Variants in FBRSL1 observed in about 807,000 individuals in gnomAD.
The protein encoded by FBRSL1 is fibrosin-1-like protein.
Under a neutral mutation model 89.6 loss-of-function variants are expected in FBRSL1, and 51 were observed. The observed-to-expected ratio is 0.57, with a 90% confidence interval of 0.45 to 0.72. FBRSL1 has a LOEUF of 0.72. Ranked by LOEUF, FBRSL1 falls within the 30% of genes least tolerant of loss-of-function variation. The pLI, the probability that FBRSL1 is intolerant of heterozygous loss-of-function variation, is 0.00. For missense variants in FBRSL1, 1,618 were observed against 1,451.8 expected (o/e 1.11, Z -1.86); for synonymous variants, 779 against 681.1 (o/e 1.14, Z -2.24).
intron 2 of FBRSL1, among the ~76,000 whole-genome samples, chr12:132,517,053 A>G (rs1424063055): frequency 3.9e-5 from 6 of 152,316 alleles, no homozygotes; most frequent in Non-Finnish European, 8.8e-5. Flanking sequence ...CCCAGACGCT[A>G]GAGGCTTATC....
At chr12:132,560,615 T>A (rs1164210136) in intron 5 of FBRSL1, among the ~76,000 whole-genome samples, 1 of 152,132 alleles carries the variant, frequency 6.6e-6, no homozygotes, top group East Asian at 1.9e-4. Context: ...TGGCCCAGGC[T>A]GCGCCGCGTG....
intron 1 of FBRSL1, among the ~76,000 whole-genome samples, chr12:132,497,045 C>T (rs541405597): frequency 3.9e-5 from 6 of 152,048 alleles, no homozygotes; most frequent in Admixed American, 2.6e-4. Flanking sequence ...GCCGACGGTT[C>T]GGATTTTTGC....
intron 5 of FBRSL1, among the ~76,000 whole-genome samples, chr12:132,562,735 G>T (rs569346284): frequency 6.6e-6 from 1 of 152,106 alleles, no homozygotes; most frequent in Non-Finnish European, 1.5e-5. Context: ...GGGCCCTTCC[G>T]GCGCGTGTGG....
At chr12:132,515,234 C>T (rs190397265) in intron 2 of FBRSL1, among the ~76,000 whole-genome samples, 178 of 152,300 alleles carry the variant, frequency 1.2e-3, no homozygotes, top group Non-Finnish European at 2.1e-3. Context: ...CCAGACACAC[C>T]AGCTTCTGTC....
chr12:132,505,050 C>G (rs11610623), intron 1 of FBRSL1, among the ~76,000 whole-genome samples: 3 of 152,052 alleles, frequency 2.0e-5, no homozygotes, highest in African/African-American at 7.2e-5. Context: ...TGCTTAAACC[C>G]GGGATGCAGA....
At chr12:132,532,910 C>T (rs896866957) in intron 4 of FBRSL1, among the ~76,000 whole-genome samples, 8 of 152,194 alleles carry the variant, frequency 5.3e-5, no homozygotes, top group Middle Eastern at 3.2e-3. Context: ...GCCCACCAGC[C>T]GCTGGGGTCC....
chr12:132,542,336 G>A (rs576972068), intron 4 of FBRSL1, among the ~76,000 whole-genome samples: 6 of 152,256 alleles, frequency 3.9e-5, no homozygotes, highest in African/African-American at 7.2e-5. Flanking sequence ...GGTGTTCCCA[G>A]CAGCTCGGCC....
chr12:132,543,226 C>T (rs929737927), intron 4 of FBRSL1, among the ~76,000 whole-genome samples: 7 of 152,332 alleles, frequency 4.6e-5, no homozygotes, highest in Admixed American at 1.3e-4. Flanking sequence ...TTGCCTCCTC[C>T]GACTCAGAAG....
chr12:132,493,893 G>T (rs940758505), intron 1 of FBRSL1, among the ~76,000 whole-genome samples: 1 of 152,230 alleles, frequency 6.6e-6, no homozygotes, highest in Non-Finnish European at 1.5e-5. Context: ...GCTGAGGAGG[G>T]CCAGGGTCTG....
intron 4 of FBRSL1, among the ~76,000 whole-genome samples, chr12:132,536,045 AGTGT>A (rs1232894129): frequency 3.3e-5 from 5 of 151,436 alleles, no homozygotes; most frequent in African/African-American, 4.9e-5. Context: ...TGTACATGAC[AGTGT>A]GTGTGCCACG....
intron 5 of FBRSL1, among the ~76,000 whole-genome samples, chr12:132,556,459 G>C (rs1429208086): frequency 2.0e-5 from 3 of 148,836 alleles, no homozygotes; most frequent in Non-Finnish European, 1.5e-5. Context: ...CTGAGTGTTC[G>C]TCCTGTGGGA....
At chr12:132,492,711 C>T (rs965476778) in intron 1 of FBRSL1, among the ~76,000 whole-genome samples, 1 of 152,242 alleles carries the variant, frequency 6.6e-6, no homozygotes, top group African/African-American at 2.4e-5. Context: ...CTTAGACCAG[C>T]TGGCCCCTCA....
rs77197968 is a variant in FBRSL1, at chr12:132,511,231, T to C, written c.489+2881T>C. On this transcript the variant is annotated intron_variant, in intron 2 of 18. Transcript: ENST00000680143. ...TCTGCCTCCACCACCCCCGTGGGCATGCACTGAAGGGTTGCCTGCAGGGTC... is the reference window on the plus strand; with the variant it reads ...TCTGCCTCCACCACCCCCGTGGGCACGCACTGAAGGGTTGCCTGCAGGGTC... 1.4e-3 allele frequency: 1,418 copies of C among 984,980 alleles called. 19 individuals carry two copies. The African/African-American group carries it at 0.023, about 16-fold the overall frequency. 61.0% of individuals were successfully genotyped at this position (984,980 alleles called of 1,614,324 possible).
rs1566260396 is a variant in FBRSL1, at chr12:132,583,725, G to A, written c.2956G>A (p.Glu986Lys). ...TCCGCTGGGGGGCCTCGGGCCGGGC[G>A]AGGCGCGCGACTACTCCCCGTCCCG... The part of the protein sequence containing the change: ...TTPLGGLGPG[E>K]ARDYSPSRNP... The change falls in exon 19 of 19, where the codon GAG becomes AAG. Residue 986 changes from glutamate (E) to lysine (K), a missense_variant. Glu to Lys is a moderately conservative substitution (Grantham distance 56). Coordinates refer to ENST00000680143, the MANE Select transcript of FBRSL1 (RefSeq NM_001367871.1). 4.1e-6 allele frequency: 5 copies of A among 1,214,174 alleles called. No homozygotes were observed. Among genetic ancestry groups the A allele is most frequent in the Non-Finnish European group, 5.1e-6 (5 of 976,664 alleles). 75.2% of individuals were successfully genotyped at this position (1,214,174 alleles called of 1,614,324 possible).
At chr12:132,513,624 G>C (rs1229009385) in intron 2 of FBRSL1, among the ~76,000 whole-genome samples, 3 of 152,236 alleles carry the variant, frequency 2.0e-5, no homozygotes, top group Non-Finnish European at 4.4e-5. Context: ...TCTGCAGAAG[G>C]GGTTATGGGG....
chr12:132,583,370 TGCCGCCCCCGCCCCGGGCTCC>T lies in FBRSL1; in HGVS notation c.2609_2629del (p.Pro870_Ala876del), dbSNP rs2040924830. The T allele has an allele frequency of 4.5e-6, 5 of 1,108,058 alleles. No homozygotes were observed. Among genetic ancestry groups the T allele is most frequent in the Non-Finnish European group, 5.5e-6 (5 of 907,520 alleles). The allele number at this position is 1,108,058 out of a possible 1,614,324, so 68.6% of individuals were successfully genotyped here. A position where few individuals can be genotyped will look rare whatever the true frequency, so the allele number is the denominator to read the frequency against. On this transcript the variant is annotated inframe_deletion, in exon 19 of 19. Transcript: ENST00000680143. ...AGCTGCCACGTCGCGCCTTCCCCGC[TGCCGCCCCCGCCCCGGGCTCC>T]GCCGCCCTCTTGGAGCCCCCGGAGC... is the stretch of plus-strand genomic sequence containing the variant.
chr12:132,576,989 G>A, intron 15 of FBRSL1, 58 bp downstream of exon 15: 2 of 1,515,854 alleles, frequency 1.3e-6, no homozygotes, highest in Non-Finnish European at 1.8e-6. Flanking sequence ...GTGCCCAGCT[G>A]AGCCTGCCTT....
intron 5 of FBRSL1, among the ~76,000 whole-genome samples, chr12:132,560,466 C>T (rs533604293): frequency 8.6e-4 from 130 of 152,032 alleles, no homozygotes; most frequent in African/African-American, 3.1e-3. Flanking sequence ...CACCCGGGGT[C>T]CGGGGGTGGA....
At position 132,582,255 on chromosome 12, in the gene FBRSL1, G is replaced by A; in HGVS notation, c.2190G>A (p.Glu730=). 1 of 1,550,044 alleles carries A rather than the reference G, an allele frequency of 6.5e-7. No homozygotes were observed. Among genetic ancestry groups the A allele is most frequent in the Non-Finnish European group, 8.7e-7 (1 of 1,146,794 alleles). Residue 730 remains glutamate, a synonymous_variant, in exon 18 of 19, where the codon GAG becomes GAA. Transcript: ENST00000680143. The part of the protein sequence containing the change: ...NHDREPDNGK[E]EQERDLLEKT... ...ACCGAGAGCCGGACAATGGCAAGGA[G>A]GAGCAGGAACGGTGAGTGGCCCTCT...
Sources: allele counts gnomAD v4.1 joint callset (sites outside exome capture counted in the v4.1 genomes callset), GRCh38; gene constraint gnomAD v4.1.1; transcripts MANE v1.5; gene names NCBI Gene and HGNC (gene_info 2026-07-23, HGNC 2026-07-21).